Variants in PTPN13 observed in about 807,000 individuals in gnomAD.
PTPN13 encodes the protein tyrosine-protein phosphatase non-receptor type 13.
PTPN13 carries 191 observed loss-of-function variants against 284.0 expected under a neutral mutation model. The ratio of observed to expected loss-of-function variants is 0.67; its 90% CI spans 0.60 to 0.76. The LOEUF is 0.76. Ranked by LOEUF, PTPN13 falls within the 30% of genes least tolerant of loss-of-function variation. PTPN13 has a pLI of 0.00. For synonymous variants in PTPN13, 986 were observed against 1,022.3 expected (o/e 0.96, Z 0.68); for missense variants, 2,797 against 2,939.9 (o/e 0.95, Z 1.12).
rs1461688182 is a variant in PTPN13 at position 86,803,765 on chromosome 4, C to G, written c.6562C>G (p.Pro2188Ala). 1 of 1,613,788 alleles carries G rather than the reference C, an allele frequency of 6.2e-7. No individual in the cohort carries two copies. The highest frequency in any genetic ancestry group is 1.3e-5 in the African/African-American group (1 of 74,914). ...LAVLPVVKVL[P>A]SGKYTGANLK... is the part of the protein sequence containing the mutation. The stretch of plus-strand genomic sequence containing the variant: ...TGTACTCCCTGTCGTCAAAGTGCTT[C>G]CCTCTGGTAAATACACGGGTGCCAA... The change falls in exon 43 of 48, where the codon CCC (proline) becomes GCC (alanine). Residue 2188 changes from proline to alanine, a missense_variant. By Grantham distance (27) the Pro-to-Ala change is conservative. Coordinates refer to ENST00000411767, the MANE Select transcript of PTPN13 (RefSeq NM_080683.3).
chr4:86,656,960 A>G (rs1225681559), intron 2 of PTPN13, among the ~76,000 whole-genome samples: 1 of 152,136 alleles, frequency 6.6e-6, no homozygotes, highest in Non-Finnish European at 1.5e-5. Flanking sequence ...GCCGCCTTGC[A>G]GTTTGATCTC....
intron 6 of PTPN13, among the ~76,000 whole-genome samples, chr4:86,697,277 A>G (rs112105262): frequency 6.6e-6 from 1 of 152,104 alleles, no homozygotes; most frequent in African/African-American, 2.4e-5. Flanking sequence ...TTAGTTTATT[A>G]GGCTCCTGAC....
intron 3 of PTPN13, among the ~76,000 whole-genome samples, chr4:86,685,440 C>G (rs1314901690): frequency 1.3e-5 from 2 of 152,114 alleles, no homozygotes; most frequent in Non-Finnish European, 2.9e-5. Context: ...GAGATCCCAT[C>G]TCTACAAAAA....
At position 86,618,276 on chromosome 4, in the gene PTPN13, A is replaced by G. The variant is rs545762550; in HGVS notation, c.-5-16976A>G. 7.2e-5 allele frequency among the ~76,000 whole-genome samples: 11 copies of G among 152,028 alleles called. No homozygotes were observed. The East Asian group carries it at 1.9e-3, about 27-fold the overall frequency. On this transcript the variant is annotated intron_variant, in intron 1 of 47. Coordinates refer to ENST00000411767, the MANE Select transcript of PTPN13 (RefSeq NM_080683.3). ...ATTTCTGAGGGCTCTGTTCTGTTCC[A>G]TTGTTCTGTATCTCTCTTTTGGTAC... is the stretch of plus-strand genomic sequence containing the variant.
intron 46 of PTPN13, among the ~76,000 whole-genome samples, chr4:86,810,475 T>TAAA (rs1745109834): frequency 6.6e-6 from 1 of 152,180 alleles, no homozygotes; most frequent in Non-Finnish European, 1.5e-5. Context: ...TATAAGAGTA[T>TAAA]AATCTTACTT....
rs1340969223 is a variant in PTPN13, at chr4:86,761,778, T to C, written c.3554-949T>C. 4.6e-5 allele frequency among the ~76,000 whole-genome samples: 7 copies of C among 152,254 alleles called. No individual in the cohort carries two copies. In the East Asian group the frequency reaches 1.3e-3, roughly 29 times the overall value. ...TTTTTGTTGAATTTTAGCAACTCTT[T>C]GTATATTAGGGATACTAATTCTTTG... is the stretch of plus-strand genomic sequence containing the variant. On this transcript the variant is annotated intron_variant, in intron 23 of 47. Transcript: ENST00000411767.
intron 1 of PTPN13, among the ~76,000 whole-genome samples, chr4:86,619,966 G>A: frequency 6.6e-6 from 1 of 151,958 alleles, no homozygotes; most frequent in East Asian, 1.9e-4. Context: ...TGTATGGATT[G>A]ATAGTGACTT....
intron 2 of PTPN13, among the ~76,000 whole-genome samples, chr4:86,666,311 C>CATCAAG (rs56071496): frequency 1 from 152,243 of 152,248 alleles, 76,119 homozygotes; most frequent in Non-Finnish European, 1. Context: ...CGTAGACTTG[C>CATCAAG]ATTAAGGACA....
intron 9 of PTPN13, among the ~76,000 whole-genome samples, chr4:86,719,305 G>T (rs1733383157): frequency 6.6e-6 from 1 of 152,126 alleles, no homozygotes; most frequent in South Asian, 2.1e-4. Flanking sequence ...CAAAAGACAT[G>T]ATCTCATTCT....
intron 1 of PTPN13, among the ~76,000 whole-genome samples, chr4:86,600,303 C>T (rs933451098): frequency 1.3e-5 from 2 of 151,850 alleles, no homozygotes; most frequent in Non-Finnish European, 2.9e-5. Flanking sequence ...TCCTTACACA[C>T]CTAGAAAAGA....
chr4:86,785,182 G>A (rs772926991), intron 38 of PTPN13, 49 bp from the exon 39 acceptor site: 29 of 1,360,098 alleles, frequency 2.1e-5, no homozygotes, highest in South Asian at 2.9e-5. Flanking sequence ...TCCCTTTCTC[G>A]TGTCAATATT....
At chr4:86,790,652 C>G (rs919556607) in intron 40 of PTPN13, among the ~76,000 whole-genome samples, 5 of 151,912 alleles carry the variant, frequency 3.3e-5, no homozygotes, top group African/African-American at 1.2e-4. Flanking sequence ...AAGGATTCAC[C>G]CTTAGAAGGG....
rs1226176594 is a variant in PTPN13, at chr4:86,741,770, T to C, written c.2441T>C (p.Leu814Ser). Residue 814 changes from leucine (L) to serine (S), a missense_variant, in exon 16 of 48, where the codon TTG (leucine) becomes TCG (serine). Coordinates refer to ENST00000411767, the MANE Select transcript of PTPN13 (RefSeq NM_080683.3). ...VFEVHNGVRT[L>S]VLRFPWRETK... ...GAAGTTCACAATGGAGTGCGCACAT[T>C]GGTCCTTCGCTTTCCATGGAGGGAA... The C allele has an allele frequency of 1.2e-6, 2 of 1,612,248 alleles. No homozygotes were observed. The highest frequency in any genetic ancestry group is 2.2e-5 in the East Asian group (1 of 44,836).
chr4:86,745,571 T>C (rs996504624), intron 17 of PTPN13, among the ~76,000 whole-genome samples: 7 of 151,928 alleles, frequency 4.6e-5, no homozygotes, highest in African/African-American at 1.7e-4. Flanking sequence ...GGTCAGGAGT[T>C]TGAGAACAGC....
Position 86,673,456 on chromosome 4 carries a change from G to C in PTPN13, c.294+913G>C, listed in dbSNP as rs546717617. Reference sequence around the variant, plus strand: ...AATTGTCCACTGTGATTGGGGAATGGTTGGTTAGACTGGCTAGGCTAGAAT... The same window carrying C: ...AATTGTCCACTGTGATTGGGGAATGCTTGGTTAGACTGGCTAGGCTAGAAT... On this transcript the variant is annotated intron_variant, in intron 3 of 47. Coordinates refer to ENST00000411767, the MANE Select transcript of PTPN13 (RefSeq NM_080683.3). Among the ~76,000 whole-genome samples, 66 of 152,308 alleles carry C rather than the reference G, an allele frequency of 4.3e-4. 1 individual carries two copies. The highest frequency in any genetic ancestry group is 1.6e-3 in the African/African-American group (66 of 41,572).
chr4:86,689,845 C>T (rs1336110669), intron 5 of PTPN13: 1 of 672,646 alleles, frequency 1.5e-6, no homozygotes, highest in African/African-American at 1.8e-5. Flanking sequence ...TCTTGTTTGC[C>T]CTATCTGATC....
rs1264494581 is a variant in PTPN13, at chr4:86,750,582, T to C, written c.2763T>C (p.Ala921=). Reference sequence around the variant, plus strand: ...CCAGCAGCACCCTCAACAAACTTGCTGTTCGACCTTTATCAGTTCAAGCTG... The same window carrying C: ...CCAGCAGCACCCTCAACAAACTTGCCGTTCGACCTTTATCAGTTCAAGCTG... ...SLASSTLNKL[A]VRPLSVQAEI... Residue 921 remains alanine, a synonymous_variant, in exon 18 of 48, where the codon GCT becomes GCC. Coordinates refer to ENST00000411767, the MANE Select transcript of PTPN13 (RefSeq NM_080683.3). 6.2e-7 allele frequency: 1 copy of C among 1,613,938 alleles called. No individual in the cohort carries two copies. The highest frequency in any genetic ancestry group is 1.1e-5 in the South Asian group (1 of 91,082).
In PTPN13 at chr4:86,722,581, A is replaced by C. The variant is rs368004897; in HGVS notation, c.1608+147A>C. 8 of 629,606 alleles carry C rather than the reference A, an allele frequency of 1.3e-5. No homozygotes were observed. In the South Asian group the frequency reaches 1.7e-4, roughly 13 times the overall value. 39.0% of individuals were successfully genotyped at this position (629,606 alleles called of 1,614,324 possible). A position where few individuals can be genotyped will look rare whatever the true frequency, so the allele number is the denominator to read the frequency against. ...CCCATATTCATTTCCACTGGGATTA[A>C]ATATCTTTTTGGTTGATTTTAAAAT... On this transcript the variant is annotated intron_variant, in intron 10 of 47. Coordinates refer to ENST00000411767, the MANE Select transcript of PTPN13 (RefSeq NM_080683.3).
chr4:86,685,097 T>C (rs1318074971), intron 3 of PTPN13, among the ~76,000 whole-genome samples: 1 of 152,234 alleles, frequency 6.6e-6, no homozygotes, highest in African/African-American at 2.4e-5. Flanking sequence ...AATGTTCCTC[T>C]AGCAATCTCC....
Sources: allele counts gnomAD v4.1 joint callset (sites outside exome capture counted in the v4.1 genomes callset), GRCh38; gene constraint gnomAD v4.1.1; transcripts MANE v1.5; gene names NCBI Gene and HGNC (gene_info 2026-07-23, HGNC 2026-07-21).